Variants in ADCK1 observed in about 807,000 individuals in gnomAD.
ADCK1 encodes aarF domain containing kinase 1, also known as aarF domain-containing protein kinase 1.
In ADCK1, 41 loss-of-function variants were observed where a neutral mutation model predicts 52.3. The observed-to-expected ratio is 0.78, with a 90% confidence interval of 0.61 to 1.02. ADCK1 has a LOEUF of 1.02. Ranked by LOEUF, ADCK1 falls within the 50% of genes least tolerant of loss-of-function variation. The pLI, the probability that ADCK1 is intolerant of heterozygous loss-of-function variation, is 0.00. For synonymous variants in ADCK1, 250 were observed against 274.6 expected (o/e 0.91, Z 0.89); for missense variants, 658 against 679.5 (o/e 0.97, Z 0.35).
At chr14:77,857,362 T>C (rs182518987) in intron 3 of ADCK1, among the ~76,000 whole-genome samples, 6 of 152,312 alleles carry the variant, frequency 3.9e-5, no homozygotes, top group African/African-American at 1.4e-4. Flanking sequence ...GTTACACATT[T>C]ATAATGTGTG....
At chr14:77,816,675 T>C (rs558103432) in intron 1 of ADCK1, among the ~76,000 whole-genome samples, 8 of 151,820 alleles carry the variant, frequency 5.3e-5, no homozygotes, top group Admixed American at 1.3e-4. Flanking sequence ...CAAACGTAAG[T>C]GTGTACCTGA....
intron 1 of ADCK1, among the ~76,000 whole-genome samples, chr14:77,807,061 C>A: frequency 3.6e-5 from 3 of 82,630 alleles, no homozygotes; most frequent in Admixed American, 1.7e-4. Flanking sequence ...TTTTTGGAGA[C>A]AGAGTCTTTT....
At chr14:77,866,998 C>T (rs2082675492) in intron 4 of ADCK1, among the ~76,000 whole-genome samples, 1 of 152,228 alleles carries the variant, frequency 6.6e-6, no homozygotes, top group African/African-American at 2.4e-5. Flanking sequence ...TCTCCCCATC[C>T]TCCTCTTATT....
At chr14:77,900,945 G>A (rs192332723) in intron 6 of ADCK1, among the ~76,000 whole-genome samples, 96 of 152,212 alleles carry the variant, frequency 6.3e-4, no homozygotes, top group Non-Finnish European at 1.0e-3. Context: ...CCCATGAGAA[G>A]TACGGCTTCT....
rs115665530 is a variant in ADCK1 at position 77,819,409 on chromosome 14, G to C, written c.135+296G>C. Among the ~76,000 whole-genome samples, 427 of 152,248 alleles carry C rather than the reference G, an allele frequency of 2.8e-3. 1 individual carries two copies. The highest frequency in any genetic ancestry group is 4.0e-3 in the Non-Finnish European group (275 of 68,028). ...TGTGTTCTGAAGCCTTTACATTTTA[G>C]GTTCTGTATCTTATTTTAACAACAC... On this transcript the variant is annotated intron_variant, in intron 2 of 10. Transcript: ENST00000238561.
chr14:77,872,832 G>A (rs889326961), intron 4 of ADCK1, among the ~76,000 whole-genome samples: 1 of 151,942 alleles, frequency 6.6e-6, no homozygotes, highest in Non-Finnish European at 1.5e-5. Context: ...CCGCCACCAC[G>A]CCCAGCTAAT....
chr14:77,849,611 T>C (rs2082242595), intron 3 of ADCK1, among the ~76,000 whole-genome samples: 1 of 151,944 alleles, frequency 6.6e-6, no homozygotes, highest in African/African-American at 2.4e-5. Context: ...GCCTGGCTAA[T>C]TTTTCTTCAT....
intron 3 of ADCK1, among the ~76,000 whole-genome samples, chr14:77,857,717 T>G (rs1484713920): frequency 1.3e-5 from 2 of 152,252 alleles, no homozygotes; most frequent in African/African-American, 4.8e-5. Flanking sequence ...CCACCTTTGT[T>G]GTCAACTGTT....
chr14:77,807,898 C>A (rs1257673691), intron 1 of ADCK1, among the ~76,000 whole-genome samples: 2 of 152,118 alleles, frequency 1.3e-5, no homozygotes, highest in Non-Finnish European at 2.9e-5. Context: ...CCGTCTCAGC[C>A]TCTCAAAGTG....
At chr14:77,815,507 G>A (rs1211904019) in intron 1 of ADCK1, among the ~76,000 whole-genome samples, 1 of 150,250 alleles carries the variant, frequency 6.7e-6, no homozygotes, top group Non-Finnish European at 1.5e-5. Context: ...ACTGCCCCCA[G>A]CCAGGCACCT....
chr14:77,909,951 C>A (rs1288032572), intron 7 of ADCK1, among the ~76,000 whole-genome samples: 2 of 152,082 alleles, frequency 1.3e-5, no homozygotes, highest in Admixed American at 1.3e-4. Context: ...GGATTGAGAC[C>A]TGAGTCTCCC....
At position 77,807,788 on chromosome 14, in the gene ADCK1, C is replaced by G. The variant is rs186310904; in HGVS notation, c.-12+7618C>G. On this transcript the variant is annotated intron_variant, in intron 1 of 10. Transcript: ENST00000238561. ...CTTCCCAAAGTGCTGGGATTATAGG[C>G]GTGAACCACCATGCCCGGCAATTTT... Among the ~76,000 whole-genome samples the G allele has an allele frequency of 3.2e-3, 493 of 152,228 alleles. 4 individuals are homozygous for G. Among genetic ancestry groups the G allele is most frequent in the Middle Eastern group, 0.02 (6 of 294 alleles).
chr14:77,889,378 C>T (rs920728517), intron 5 of ADCK1, among the ~76,000 whole-genome samples: 1 of 152,132 alleles, frequency 6.6e-6, no homozygotes, highest in African/African-American at 2.4e-5. Context: ...TTGTATTGTA[C>T]TCACCTATTT....
chr14:77,825,347 G>C (rs187390288), intron 3 of ADCK1, among the ~76,000 whole-genome samples: 1 of 151,322 alleles, frequency 6.6e-6, no homozygotes, highest in Admixed American at 6.6e-5. Flanking sequence ...TAGAAGACCC[G>C]AGTTTGTGAC....
At position 77,899,109 on chromosome 14, in the gene ADCK1, C is replaced by T. The variant is rs921566009; in HGVS notation, c.592C>T (p.Leu198=). 19 of 1,613,602 alleles carry T rather than the reference C, an allele frequency of 1.2e-5. 1 individual carries two copies. The highest frequency in any genetic ancestry group is 1.5e-5 in the Non-Finnish European group (18 of 1,180,014). The change falls in exon 6 of 11, where the codon CTG becomes TTG. Residue 198 remains leucine (L), a synonymous_variant. Coordinates refer to ENST00000238561, the MANE Select transcript of ADCK1 (RefSeq NM_020421.4). ...KDILLMEVLV[L]AVKQLFPEFE... is the part of the protein sequence containing the mutation. Reference sequence around the variant, plus strand: ...GCTTGTTGGATTTCAGGTGCTCGTTCTGGCTGTGAAGCAGCTGTTCCCAGA... The same window carrying T: ...GCTTGTTGGATTTCAGGTGCTCGTTTTGGCTGTGAAGCAGCTGTTCCCAGA...
At chr14:77,833,129 T>C (rs1207416987) in intron 3 of ADCK1, among the ~76,000 whole-genome samples, 2 of 152,204 alleles carry the variant, frequency 1.3e-5, no homozygotes, top group African/African-American at 4.8e-5. Flanking sequence ...CTCTGGCCCC[T>C]GGTCTGGAAT....
chr14:77,805,342 A>G (rs2081200846), intron 1 of ADCK1, among the ~76,000 whole-genome samples: 1 of 122,278 alleles, frequency 8.2e-6, no homozygotes, highest in African/African-American at 3.2e-5. Flanking sequence ...GCTCACCGCA[A>G]CCTCCGCCAC....
Position 77,934,988 on chromosome 14 carries a change from G to A in ADCK1, c.*1597G>A, listed in dbSNP as rs2084418105. On this transcript the variant is annotated 3_prime_UTR_variant, in exon 11 of 11. Coordinates refer to ENST00000238561, the MANE Select transcript of ADCK1 (RefSeq NM_020421.4). Reference sequence around the variant, plus strand: ...TATGGTGTCTTTTATAGCCACTGAAGTAAATATAAATGTCCTTTCTGTTCA... The same window carrying A: ...TATGGTGTCTTTTATAGCCACTGAAATAAATATAAATGTCCTTTCTGTTCA... The A allele has an allele frequency of 1.3e-5, 2 of 152,248 alleles. No individual in the cohort carries two copies. Among genetic ancestry groups the A allele is most frequent in the African/African-American group, 4.8e-5 (2 of 41,458 alleles). 9.4% of individuals were successfully genotyped at this position (152,248 alleles called of 1,614,324 possible).
rs140207386 is a variant in ADCK1 at position 77,846,214 on chromosome 14, G to A, written c.220-12862G>A. ...TCTTCTCCCACCTACCCTGAACCTC[G>A]TTCTTAGACTGGACTTCAATAGCCA... On this transcript the variant is annotated intron_variant, in intron 3 of 10. Coordinates refer to ENST00000238561, the MANE Select transcript of ADCK1 (RefSeq NM_020421.4). Among the ~76,000 whole-genome samples the A allele has an allele frequency of 1.6e-4, 25 of 152,208 alleles. No homozygotes were observed. In the East Asian group the frequency reaches 4.0e-3, roughly 25 times the overall value.
Sources: gnomAD v4.1 joint callset for allele counts (sites outside exome capture counted in the v4.1 genomes callset) on GRCh38, gnomAD v4.1.1 for gene constraint, MANE v1.5 for transcripts, NCBI Gene and HGNC (gene_info 2026-07-23, HGNC 2026-07-21) for gene names.